ALX4: variants seen among roughly 807,000 people sequenced by gnomAD.
ALX4 encodes the protein homeobox protein aristaless-like 4.
In ALX4, 22 loss-of-function variants were observed where a neutral mutation model predicts 40.6. The ratio of observed to expected loss-of-function variants is 0.54; its 90% CI spans 0.39 to 0.77. The LOEUF is 0.77. Among genes scored for constraint, ALX4 ranks in the 30% least tolerant of loss-of-function variants. ALX4 has a pLI of 0.00. For missense variants in ALX4, 556 were observed against 564.8 expected, an observed-to-expected ratio of 0.98 and a Z score of 0.16; for synonymous variants, 266 against 240.5, an observed-to-expected ratio of 1.11 and a Z score of -0.98.
chr11:44,269,586 G>A (rs1325959430), intron 2 of ALX4, among the ~76,000 whole-genome samples: 8 of 152,228 alleles, frequency 5.3e-5, no homozygotes, highest in African/African-American at 1.9e-4. Context: ...TGGGGGAGGA[G>A]AAGCCTCTTC....
chr11:44,265,408 C>T (rs1956207830), intron 3 of ALX4, among the ~76,000 whole-genome samples: 1 of 152,162 alleles, frequency 6.6e-6, no homozygotes, highest in South Asian at 2.1e-4. Flanking sequence ...AAATTCAGTT[C>T]TAAAGAGTGA....
At chr11:44,265,558 A>C (rs535831197) in intron 3 of ALX4, among the ~76,000 whole-genome samples, 1 of 152,194 alleles carries the variant, frequency 6.6e-6, no homozygotes, top group African/African-American at 2.4e-5. Flanking sequence ...GCTCCTCCCC[A>C]GGCCCCTCAC....
At chr11:44,294,834 ATT>A (rs1409583688) in intron 1 of ALX4, among the ~76,000 whole-genome samples, 1 of 39,548 alleles carries the variant, frequency 2.5e-5, no homozygotes, top group Non-Finnish European at 5.7e-5. Context: ...TTACCTATTT[ATT>A]TATTTATTTA....
At chr11:44,309,487 C>G (rs1956492400) in intron 1 of ALX4, 110 bp downstream of exon 1, 5 of 1,499,388 alleles carry the variant, frequency 3.3e-6, no homozygotes, top group Non-Finnish European at 4.4e-6. Context: ...GAGTCACCAC[C>G]CCGCCCCCAG....
At chr11:44,272,867 C>T (rs1956256826) in intron 2 of ALX4, among the ~76,000 whole-genome samples, 2 of 152,112 alleles carry the variant, frequency 1.3e-5, no homozygotes, top group African/African-American at 4.8e-5. Context: ...TACAGCAACT[C>T]AACCGTGCAG....
At chr11:44,306,436 A>C (rs1310652151) in intron 1 of ALX4, among the ~76,000 whole-genome samples, 3 of 152,070 alleles carry the variant, frequency 2.0e-5, no homozygotes, top group African/African-American at 7.2e-5. Flanking sequence ...AGGCAATTGG[A>C]CTCTGCCGGG....
rs566677224 is a variant in ALX4 at position 44,274,716 on chromosome 11, T to C, written c.777+632A>G. ...AGTTGAGTTCTATTGGGTTGTGTTCTGTTGGGTTGCAATGAGTTGGGTTGA... is the reference window on the plus strand; with the variant it reads ...AGTTGAGTTCTATTGGGTTGTGTTCCGTTGGGTTGCAATGAGTTGGGTTGA... On this transcript the variant is annotated intron_variant, in intron 2 of 3. Coordinates refer to ENST00000652299, the MANE Select transcript of ALX4 (RefSeq NM_021926.4). Among the ~76,000 whole-genome samples, 287 of 152,314 alleles carry C rather than the reference T, an allele frequency of 1.9e-3. 1 individual carries two copies. The highest frequency in any genetic ancestry group is 3.2e-3 in the Non-Finnish European group (219 of 68,042).
intron 1 of ALX4, among the ~76,000 whole-genome samples, chr11:44,302,565 G>A (rs1211128505): frequency 4.6e-5 from 7 of 152,226 alleles, no homozygotes; most frequent in Non-Finnish European, 7.3e-5. Context: ...GAGAAGGTCC[G>A]CCCAGGGAAG....
At position 44,262,583 on chromosome 11, in the gene ALX4, C is replaced by CA. The variant is rs1386942675; in HGVS notation, c.*2270dup. On this transcript the variant is annotated 3_prime_UTR_variant, in exon 4 of 4. Coordinates refer to ENST00000652299, the MANE Select transcript of ALX4 (RefSeq NM_021926.4). ...TGCGGAAGAGCCCCCTTAAAGCTCTCACTCTCCCTCCCTGCCTGCTCTGGA... is the reference window on the plus strand; with the variant it reads ...TGCGGAAGAGCCCCCTTAAAGCTCTCAACTCTCCCTCCCTGCCTGCTCTGGA... The CA allele has an allele frequency of 6.6e-6, 1 of 152,268 alleles. No homozygotes were observed. Among genetic ancestry groups the CA allele is most frequent in the Non-Finnish European group, 1.5e-5 (1 of 68,108 alleles). 9.4% of individuals were successfully genotyped at this position (152,268 alleles called of 1,614,324 possible). A position where few individuals can be genotyped will look rare whatever the true frequency, so the allele number is the denominator to read the frequency against.
At chr11:44,291,658 A>T (rs11037939) in intron 1 of ALX4, among the ~76,000 whole-genome samples, 1 of 151,574 alleles carries the variant, frequency 6.6e-6, no homozygotes, top group South Asian at 2.1e-4. Flanking sequence ...CGCCCGCCTC[A>T]GCCTCCCGAA....
chr11:44,266,245 GT>G (rs921772948), intron 3 of ALX4, among the ~76,000 whole-genome samples: 8 of 152,180 alleles, frequency 5.3e-5, no homozygotes, highest in African/African-American at 1.9e-4. Flanking sequence ...GGTAGGAGGG[GT>G]GAACAGGGCC....
At chr11:44,307,699 C>T (rs1431179243) in intron 1 of ALX4, among the ~76,000 whole-genome samples, 1 of 152,260 alleles carries the variant, frequency 6.6e-6, no homozygotes, top group Non-Finnish European at 1.5e-5. Context: ...CAGGGACGAG[C>T]TGGGGCCTGC....
chr11:44,278,841 G>C (rs948150401), intron 1 of ALX4, among the ~76,000 whole-genome samples: 1 of 152,160 alleles, frequency 6.6e-6, no homozygotes, highest in African/African-American at 2.4e-5. Flanking sequence ...GGGGAGGAGA[G>C]GGGGAGGGTG....
At chr11:44,285,872 CTG>C (rs1956335849) in intron 1 of ALX4, among the ~76,000 whole-genome samples, 1 of 152,234 alleles carries the variant, frequency 6.6e-6, no homozygotes, top group South Asian at 2.1e-4. Flanking sequence ...CCTCCCTAGA[CTG>C]TGAGCTGGTC....
chr11:44,274,112 C>G (rs1956263953), intron 2 of ALX4, among the ~76,000 whole-genome samples: 1 of 152,014 alleles, frequency 6.6e-6, no homozygotes, highest in Admixed American at 6.6e-5. Context: ...TGCACTCCAG[C>G]CTGGGTGATA....
intron 2 of ALX4, among the ~76,000 whole-genome samples, chr11:44,268,103 C>A (rs920426508): frequency 6.6e-6 from 1 of 152,212 alleles, no homozygotes; most frequent in Non-Finnish European, 1.5e-5. Flanking sequence ...TTCCTCCCTG[C>A]ATCCTGTCTG....
chr11:44,283,568 G>A (rs1956321910), intron 1 of ALX4, among the ~76,000 whole-genome samples: 1 of 152,226 alleles, frequency 6.6e-6, no homozygotes, highest in South Asian at 2.1e-4. Flanking sequence ...TATTCTGCAC[G>A]TTGTTTCTTT....
chr11:44,301,551 C>A (rs759695894), intron 1 of ALX4, among the ~76,000 whole-genome samples: 40 of 152,198 alleles, frequency 2.6e-4, no homozygotes, highest in Non-Finnish European at 5.1e-4. Context: ...GAGCTCATGG[C>A]GGGGTCTGCT....
chr11:44,264,837 G>A lies in ALX4; in HGVS notation c.*17C>T, dbSNP rs901924979. The A allele has an allele frequency of 3.1e-6, 5 of 1,610,624 alleles. No homozygotes were observed. The highest frequency in any genetic ancestry group is 1.8e-4 in the Middle Eastern group (1 of 5,666). On this transcript the variant is annotated 3_prime_UTR_variant, in exon 4 of 4. Transcript: ENST00000652299. Reference sequence around the variant, plus strand: ...GCCCATGGTGTCCCGAGGTGGGGACGGGGCAGGGGTGCCCTGTCATGTGGC... The same window carrying A: ...GCCCATGGTGTCCCGAGGTGGGGACAGGGCAGGGGTGCCCTGTCATGTGGC...
Sources: allele counts gnomAD v4.1 joint callset (sites outside exome capture counted in the v4.1 genomes callset), GRCh38; gene constraint gnomAD v4.1.1; transcripts MANE v1.5; gene names NCBI Gene and HGNC (gene_info 2026-07-23, HGNC 2026-07-21).